The following CDH13 variants were observed in gnomAD, a reference collection of about 807,000 sequenced individuals.
The protein encoded by CDH13 is cadherin 13.
CDH13 carries 24 observed loss-of-function variants against 63.8 expected under a neutral mutation model. That is an observed-to-expected ratio of 0.38 (90% CI 0.27 to 0.53). The LOEUF is 0.53. Ranked by LOEUF, CDH13 falls within the 20% of genes least tolerant of loss-of-function variation. The pLI, the probability that CDH13 is intolerant of heterozygous loss-of-function variation, is 0.85. For synonymous variants in CDH13, 503 were observed against 355.3 expected (o/e 1.42, Z -4.67); for missense variants, 1,049 against 903.1 (o/e 1.16, Z -2.07).
At chr16:83,759,549 G>A (rs2326024) in intron 11 of CDH13, among the ~76,000 whole-genome samples, 40,770 of 151,818 alleles carry the variant, frequency 0.27, 7,698 homozygotes, top group African/African-American at 0.54. Flanking sequence ...AGATTACATT[G>A]AAATTAAGAG....
At chr16:82,648,362 G>A (rs748502729) in intron 1 of CDH13, among the ~76,000 whole-genome samples, 26 of 152,164 alleles carry the variant, frequency 1.7e-4, no homozygotes, top group Non-Finnish European at 3.5e-4. Flanking sequence ...AATAGCCAAC[G>A]CTTAGGAAGT....
At chr16:82,661,261 A>G (rs150840327) in intron 1 of CDH13, among the ~76,000 whole-genome samples, 2 of 152,366 alleles carry the variant, frequency 1.3e-5, no homozygotes, top group Admixed American at 6.5e-5. Context: ...CGCTCTGTCC[A>G]TTGAAACAGA....
rs1907344346 is a variant in CDH13, at chr16:82,626,981, G to T, written c.-112G>T. The T allele has an allele frequency of 8.0e-7, 1 of 1,242,586 alleles. No homozygotes were observed. Among genetic ancestry groups the T allele is most frequent in the Non-Finnish European group, 1.2e-6 (1 of 866,212 alleles). 77.0% of individuals were successfully genotyped at this position (1,242,586 alleles called of 1,614,324 possible). On this transcript the variant is annotated 5_prime_UTR_variant, in exon 1 of 14. Coordinates refer to ENST00000567109, the MANE Select transcript of CDH13 (RefSeq NM_001257.5). ...CTGCTGCTGATCTATTTGGGAAGTT[G>T]GCTGGCTGGCGAGGCAGAGCCTCTC...
At chr16:83,118,383 T>C (rs1475391252) in intron 3 of CDH13, among the ~76,000 whole-genome samples, 2 of 152,214 alleles carry the variant, frequency 1.3e-5, no homozygotes, top group African/African-American at 4.8e-5. Flanking sequence ...TGTGTGTCTA[T>C]CAGATGGATT....
chr16:83,305,458 C>A (rs186111326), intron 5 of CDH13, among the ~76,000 whole-genome samples: 1 of 152,184 alleles, frequency 6.6e-6, no homozygotes, highest in Non-Finnish European at 1.5e-5. Flanking sequence ...CCTGAGGTTT[C>A]CATTCTAATC....
chr16:83,096,712 C>G (rs2082232696), intron 3 of CDH13, among the ~76,000 whole-genome samples: 2 of 152,150 alleles, frequency 1.3e-5, no homozygotes, highest in East Asian at 1.9e-4. Context: ...AGGGGACTAA[C>G]AAGGTAGCCC....
At chr16:82,760,964 A>T (rs151332015) in intron 1 of CDH13, among the ~76,000 whole-genome samples, 2 of 147,834 alleles carry the variant, frequency 1.4e-5, no homozygotes, top group Non-Finnish European at 3.0e-5. Context: ...CCATAAGCCA[A>T]ATATCTCCCA....
intron 5 of CDH13, among the ~76,000 whole-genome samples, chr16:83,230,939 G>C (rs922883656): frequency 6.6e-6 from 1 of 152,218 alleles, no homozygotes; most frequent in Admixed American, 6.5e-5. Flanking sequence ...TGTGAACCAA[G>C]CATATGCCGG....
intron 6 of CDH13, among the ~76,000 whole-genome samples, chr16:83,428,786 A>G (rs2071997202): frequency 6.6e-6 from 1 of 152,198 alleles, no homozygotes; most frequent in South Asian, 2.1e-4. Flanking sequence ...TTTATGGAAA[A>G]TCTATTTGGT....
chr16:83,388,427 T>C (rs1326187662), intron 6 of CDH13, among the ~76,000 whole-genome samples: 1 of 152,094 alleles, frequency 6.6e-6, no homozygotes, highest in Admixed American at 6.6e-5. Flanking sequence ...CACTCCAGCT[T>C]GGCCAACAGT....
chr16:83,435,134 C>T (rs1184290506), intron 6 of CDH13, among the ~76,000 whole-genome samples: 5 of 151,772 alleles, frequency 3.3e-5, no homozygotes, highest in African/African-American at 9.7e-5. Context: ...GCAACCTCCA[C>T]CTCCCCAGTT....
intron 13 of CDH13, among the ~76,000 whole-genome samples, chr16:83,792,504 C>G (rs985225800): frequency 3.3e-5 from 5 of 152,114 alleles, no homozygotes; most frequent in African/African-American, 1.2e-4. Context: ...AATTTGCCTC[C>G]CAGGAGACAG....
At chr16:82,650,589 C>T (rs1332558005) in intron 1 of CDH13, among the ~76,000 whole-genome samples, 6 of 152,140 alleles carry the variant, frequency 3.9e-5, no homozygotes, top group East Asian at 3.9e-4. Context: ...CAAAATGTCC[C>T]GCTGTTGGGA....
intron 2 of CDH13, among the ~76,000 whole-genome samples, chr16:82,878,670 G>T (rs79592485): frequency 2.0e-5 from 3 of 150,950 alleles, no homozygotes; most frequent in African/African-American, 4.9e-5. Context: ...CATGGTTGTT[G>T]GTCCAATGGC....
chr16:82,705,978 C>T (rs1255235547), intron 1 of CDH13, among the ~76,000 whole-genome samples: 1 of 152,012 alleles, frequency 6.6e-6, no homozygotes, highest in Non-Finnish European at 1.5e-5. Flanking sequence ...TAAGTTTATA[C>T]CCAGGTTATC....
At chr16:83,028,570 A>G (rs1008199086) in intron 2 of CDH13, among the ~76,000 whole-genome samples, 2 of 152,196 alleles carry the variant, frequency 1.3e-5, no homozygotes, top group Non-Finnish European at 2.9e-5. Flanking sequence ...ACCTACGTAG[A>G]TACCTCAGTC....
intron 10 of CDH13, among the ~76,000 whole-genome samples, chr16:83,707,836 C>CAAAAAAGAAAAAAAAAAA (rs1907339888): frequency 1.3e-5 from 1 of 78,902 alleles, no homozygotes; most frequent in African/African-American, 5.0e-5. Flanking sequence ...ACCCTAAAGG[C>CAAAAAAGAAAAAAAAAAA]AAAAAAAAAA....
chr16:83,775,063 G>A (rs1171179300), intron 11 of CDH13, among the ~76,000 whole-genome samples: 1 of 151,858 alleles, frequency 6.6e-6, no homozygotes, highest in East Asian at 1.9e-4. Flanking sequence ...TAAAATGAGA[G>A]CCTGTAAGAC....
At chr16:82,682,432 G>A (rs1164838080) in intron 1 of CDH13, among the ~76,000 whole-genome samples, 2 of 152,186 alleles carry the variant, frequency 1.3e-5, no homozygotes, top group Non-Finnish European at 2.9e-5. Flanking sequence ...GCAGGCACTG[G>A]CATCTGGTCA....
Sources: gnomAD v4.1 joint callset for allele counts (sites outside exome capture counted in the v4.1 genomes callset) on GRCh38, gnomAD v4.1.1 for gene constraint, MANE v1.5 for transcripts, NCBI Gene and HGNC (gene_info 2026-07-23, HGNC 2026-07-21) for gene names.